Variants in ARHGEF3 observed in about 807,000 individuals in gnomAD.
ARHGEF3 encodes the protein 59.8 kDA protein.
A neutral mutation model predicts 63.2 loss-of-function variants in ARHGEF3; 28 were observed. That is an observed-to-expected ratio of 0.44 (90% confidence interval 0.33 to 0.61). The LOEUF (loss-of-function observed/expected upper bound fraction) is 0.61, where lower values mean the gene tolerates loss of function less well. ARHGEF3 is among the 20% of genes least tolerant of loss of function. ARHGEF3 has a pLI of 0.03. For missense variants in ARHGEF3, 533 were observed against 659.3 expected, an observed-to-expected ratio of 0.81 and a Z score of 2.10; for synonymous variants, 266 against 254.2, an observed-to-expected ratio of 1.05 and a Z score of -0.44.
intron 8 of ARHGEF3, among the ~76,000 whole-genome samples, chr3:56,734,708 T>A (rs980208838): frequency 1.3e-5 from 2 of 151,972 alleles, no homozygotes; most frequent in East Asian, 1.9e-4. Context: ...CCCACCCCTA[T>A]CCCTACTACC....
At chr3:57,042,665 TATATATATATATATATATATATATATATA>T (rs1704240926) in intron 1 of ARHGEF3, among the ~76,000 whole-genome samples, 4 of 6,682 alleles carry the variant, frequency 6.0e-4, no homozygotes, top group East Asian at 5.4e-3. Context: ...TATATATATA[TATATATATATATATATATATATATATATA>T]TATATATTTT....
At chr3:56,803,490 G>T (rs558749246), upstream of ARHGEF3, among the ~76,000 whole-genome samples, 8 of 115,494 alleles carry the variant, frequency 6.9e-5, no homozygotes, top group South Asian at 1.4e-3. Context: ...AAAGGAAAAA[G>T]AAAAGAAAAG....
At chr3:56,950,455 C>CA (rs1333005779) in intron 3 of ARHGEF3, among the ~76,000 whole-genome samples, 13 of 151,966 alleles carry the variant, frequency 8.6e-5, no homozygotes, top group Admixed American at 7.2e-4. Context: ...ACAACCCCAT[C>CA]AAAAAGTGGG....
At chr3:56,757,673 G>A (rs916028071) in intron 2 of ARHGEF3, among the ~76,000 whole-genome samples, 5 of 151,752 alleles carry the variant, frequency 3.3e-5, no homozygotes, top group Admixed American at 2.6e-4. Context: ...TTCTATTGTT[G>A]TTTCATGTTG....
intron 2 of ARHGEF3, among the ~76,000 whole-genome samples, chr3:56,972,230 C>T (rs1011340472): frequency 1.3e-5 from 2 of 152,222 alleles, no homozygotes; most frequent in Admixed American, 1.3e-4. Flanking sequence ...CATCAAATTA[C>T]TTTGGACAAC....
chr3:56,852,067 G>T (rs1033303589), intron 4 of ARHGEF3, among the ~76,000 whole-genome samples: 1 of 152,168 alleles, frequency 6.6e-6, no homozygotes, highest in Non-Finnish European at 1.5e-5. Context: ...GGAAGGGGTG[G>T]TCACCCCTGA....
chr3:56,927,624 G>A (rs566913736), intron 3 of ARHGEF3, among the ~76,000 whole-genome samples: 121 of 152,274 alleles, frequency 7.9e-4, no homozygotes, highest in South Asian at 2.5e-3. Flanking sequence ...GGCACCTAAA[G>A]TGTGTTTGTG....
At chr3:57,051,638 A>T (rs1037667022) in intron 1 of ARHGEF3, among the ~76,000 whole-genome samples, 1 of 152,212 alleles carries the variant, frequency 6.6e-6, no homozygotes, top group African/African-American at 2.4e-5. Context: ...CTGGCTCACT[A>T]GCCCACCACA....
At chr3:56,861,035 G>A (rs913669706) in intron 4 of ARHGEF3, among the ~76,000 whole-genome samples, 1 of 152,202 alleles carries the variant, frequency 6.6e-6, no homozygotes, top group Non-Finnish European at 1.5e-5. Flanking sequence ...AAGGAGAGGA[G>A]ATTCATGGCT....
chr3:56,808,343 A>G (rs1182660510), intron 4 of ARHGEF3, among the ~76,000 whole-genome samples: 2 of 152,168 alleles, frequency 1.3e-5, no homozygotes, highest in Non-Finnish European at 2.9e-5. Flanking sequence ...GCACTTTGGG[A>G]TGACGAAGCA....
At chr3:56,841,083 C>T (rs941240226) in intron 4 of ARHGEF3, among the ~76,000 whole-genome samples, 1 of 152,130 alleles carries the variant, frequency 6.6e-6, no homozygotes, top group African/African-American at 2.4e-5. Context: ...TCTTTGCCCC[C>T]AGTAGATAAA....
At chr3:57,023,841 AT>A (rs1398311925) in intron 2 of ARHGEF3, among the ~76,000 whole-genome samples, 1 of 152,200 alleles carries the variant, frequency 6.6e-6, no homozygotes, top group African/African-American at 2.4e-5. Context: ...TCCCTGTCAC[AT>A]GCTCACTGCC....
intron 3 of ARHGEF3, chr3:56,898,598 T>C (rs763142646): frequency 1.4e-5 from 4 of 277,922 alleles, no homozygotes; most frequent in South Asian, 2.7e-5. Flanking sequence ...AGCAAAGATG[T>C]AAGTATCAGC....
intron 1 of ARHGEF3, chr3:57,074,085 G>A: frequency 6.2e-7 from 1 of 1,614,022 alleles, no homozygotes; most frequent in Non-Finnish European, 8.5e-7. Flanking sequence ...TCAATTTCTT[G>A]GTATGGAAGA....
At chr3:56,968,075 AT>A (rs1700683997) in intron 2 of ARHGEF3, among the ~76,000 whole-genome samples, 2 of 62,780 alleles carry the variant, frequency 3.2e-5, no homozygotes, top group African/African-American at 6.3e-5. Flanking sequence ...TATATAATAT[AT>A]TATATATTTA....
intron 1 of ARHGEF3, among the ~76,000 whole-genome samples, chr3:57,037,703 T>C (rs1335117742): frequency 1.3e-5 from 2 of 152,014 alleles, no homozygotes. Flanking sequence ...TGAAAACCCG[T>C]CTCTATTAAA....
chr3:56,811,308 G>A (rs2038054496), intron 4 of ARHGEF3, among the ~76,000 whole-genome samples: 1 of 151,824 alleles, frequency 6.6e-6, no homozygotes, highest in Non-Finnish European at 1.5e-5. Context: ...TAGCTGTAGA[G>A]CAGAGAATGG....
intron 2 of ARHGEF3, among the ~76,000 whole-genome samples, chr3:56,999,293 C>T (rs935254491): frequency 1.3e-5 from 2 of 152,046 alleles, no homozygotes; most frequent in East Asian, 1.9e-4. Flanking sequence ...TCAAGTGATC[C>T]GCCCACCTCG....
At chr3:56,867,264 C>T (rs7624918) in intron 4 of ARHGEF3, among the ~76,000 whole-genome samples, 65,663 of 152,040 alleles carry the variant, frequency 0.43, 15,435 homozygotes, top group African/African-American at 0.63. Flanking sequence ...AAATGTTTAT[C>T]GGACACACAA....
Sources: allele counts gnomAD v4.1 joint callset (sites outside exome capture counted in the v4.1 genomes callset), GRCh38; gene constraint gnomAD v4.1.1; transcripts MANE v1.5; gene names NCBI Gene and HGNC (gene_info 2026-07-23, HGNC 2026-07-21).